ARHGAP44: variants seen among roughly 807,000 people sequenced by gnomAD.
ARHGAP44 encodes Rho GTPase activating protein 44.
Under a neutral mutation model 106.8 loss-of-function variants are expected in ARHGAP44, and 43 were observed. The ratio of observed to expected loss-of-function variants is 0.40; its 90% CI spans 0.32 to 0.52. The LOEUF (loss-of-function observed/expected upper bound fraction) is 0.52, where lower values mean the gene tolerates loss of function less well. Ranked by LOEUF, ARHGAP44 falls within the 20% of genes least tolerant of loss-of-function variation. ARHGAP44 has a pLI of 0.48. For synonymous variants in ARHGAP44, 439 were observed against 410.3 expected, an observed-to-expected ratio of 1.07 and a Z score of -0.85; for missense variants, 866 against 1,050.5, an observed-to-expected ratio of 0.82 and a Z score of 2.43.
rs184640920 is a variant in ARHGAP44, at chr17:12,793,975, C to G, written c.53+4084C>G. Among the ~76,000 whole-genome samples the G allele has an allele frequency of 2.2e-4, 33 of 152,152 alleles. No individual in the cohort carries two copies. In the East Asian group the frequency reaches 5.8e-3, roughly 27 times the overall value. ...TCAAAGATGGGGAAAGCTCCTGATA[C>G]CATGTTTCTTTAACGTTGTGATGGT... On this transcript the variant is annotated intron_variant, in intron 1 of 20. Coordinates refer to ENST00000379672, the MANE Select transcript of ARHGAP44 (RefSeq NM_014859.6).
At chr17:12,876,419 C>G (rs76589096) in intron 1 of ARHGAP44, among the ~76,000 whole-genome samples, 2 of 152,090 alleles carry the variant, frequency 1.3e-5, no homozygotes, top group East Asian at 3.9e-4. Flanking sequence ...ACTTGACAGT[C>G]GTGTTCATCT....
intron 6 of ARHGAP44, among the ~76,000 whole-genome samples, chr17:12,926,020 A>C (rs995884231): frequency 6.6e-6 from 1 of 152,164 alleles, no homozygotes; most frequent in Non-Finnish European, 1.5e-5. Context: ...TTTGTTTGCT[A>C]TTTATGTTCC....
chr17:12,835,991 A>G (rs920424586), intron 1 of ARHGAP44, among the ~76,000 whole-genome samples: 3 of 152,210 alleles, frequency 2.0e-5, no homozygotes, highest in Non-Finnish European at 4.4e-5. Context: ...TTCTTTGTAA[A>G]GGCGGAATAG....
chr17:12,842,843 A>G (rs1220002511), intron 1 of ARHGAP44, among the ~76,000 whole-genome samples: 1 of 152,222 alleles, frequency 6.6e-6, no homozygotes, highest in Admixed American at 6.5e-5. Flanking sequence ...GTACAGAGTC[A>G]GGTGGTATGT....
At chr17:12,983,320 A>G (rs2039879041) in intron 19 of ARHGAP44, among the ~76,000 whole-genome samples, 1 of 150,832 alleles carries the variant, frequency 6.6e-6, no homozygotes, top group Non-Finnish European at 1.5e-5. Context: ...GTCCTCACTT[A>G]AGCCTAACAG....
At position 12,878,482 on chromosome 17, in the gene ARHGAP44, A is replaced by G. The variant is rs563524593; in HGVS notation, c.54-16458A>G. The stretch of plus-strand genomic sequence containing the variant: ...TATGACTTGTACCCAGATGTCATCT[A>G]CACAGCGCCTGTCATCCTGTGGAAT... On this transcript the variant is annotated intron_variant, in intron 1 of 20. Coordinates refer to ENST00000379672, the MANE Select transcript of ARHGAP44 (RefSeq NM_014859.6). Among the ~76,000 whole-genome samples the G allele has an allele frequency of 8.5e-4, 130 of 152,358 alleles. 1 individual carries two copies. The highest frequency in any genetic ancestry group is 1.2e-3 in the South Asian group (6 of 4,828).
intron 1 of ARHGAP44, among the ~76,000 whole-genome samples, chr17:12,832,371 C>T (rs943718211): frequency 8.5e-5 from 13 of 152,116 alleles, no homozygotes; most frequent in Admixed American, 8.5e-4. Context: ...GCCAGCTGAT[C>T]CACTGAGTGC....
In ARHGAP44 at chr17:12,848,088, G is replaced by T. The variant is rs190255517; in HGVS notation, c.54-46852G>T. On this transcript the variant is annotated intron_variant, in intron 1 of 20. Coordinates refer to ENST00000379672, the MANE Select transcript of ARHGAP44 (RefSeq NM_014859.6). ...CTATAGATATAGATAGCATTGAGGT[G>T]CTCAAACAACTGGACAAGTGTTACT... Among the ~76,000 whole-genome samples the T allele has an allele frequency of 2.9e-3, 443 of 152,264 alleles. 3 individuals carry two copies. Among genetic ancestry groups the T allele is most frequent in the African/African-American group, 0.01 (428 of 41,548 alleles).
chr17:12,795,806 G>A (rs1028967795), intron 1 of ARHGAP44, among the ~76,000 whole-genome samples: 4 of 152,080 alleles, frequency 2.6e-5, no homozygotes, highest in African/African-American at 7.2e-5. Context: ...CGGGCGTGGG[G>A]CATCCAATTG....
At chr17:12,974,378 C>T in intron 18 of ARHGAP44, 68 bp downstream of exon 18, 1 of 1,249,320 alleles carries the variant, frequency 8.0e-7, no homozygotes, top group Non-Finnish European at 1.0e-6. Flanking sequence ...GTTGGCCGCA[C>T]TGGAGGCCTC....
In ARHGAP44 at chr17:12,955,900, A is replaced by G. The variant is rs755127771; in HGVS notation, c.1170A>G (p.Glu390=). ...TAAAATTTTTATCCAAGCTGTCAGA[A>G]TATCAAGATGTAAACAAGATGACTC... The part of the protein sequence containing the change: ...YLIKFLSKLS[E]YQDVNKMTPS... Residue 390 remains glutamate, a synonymous_variant, in exon 14 of 21, where the codon GAA becomes GAG. Transcript: ENST00000379672. 1.9e-6 allele frequency: 3 copies of G among 1,613,542 alleles called. No individual in the cohort carries two copies. Among genetic ancestry groups the G allele is most frequent in the East Asian group, 4.5e-5 (2 of 44,828 alleles).
chr17:12,865,115 T>G (rs2036197706), intron 1 of ARHGAP44, among the ~76,000 whole-genome samples: 1 of 152,212 alleles, frequency 6.6e-6, no homozygotes, highest in Non-Finnish European at 1.5e-5. Flanking sequence ...TCAAACTACA[T>G]GTATAGACAT....
rs183056576 is a variant in ARHGAP44, at chr17:12,880,819, A to G, written c.54-14121A>G. Among the ~76,000 whole-genome samples, 725 of 152,248 alleles carry G rather than the reference A, an allele frequency of 4.8e-3. 5 individuals are homozygous for G. Among genetic ancestry groups the G allele is most frequent in the African/African-American group, 0.017 (696 of 41,556 alleles). ...AGTTTCATTGTCAGATATACAAAAT[A>G]ATGACATTGTTTTCTACAATGCTTT... On this transcript the variant is annotated intron_variant, in intron 1 of 20. Transcript: ENST00000379672.
intron 19 of ARHGAP44, chr17:12,982,627 G>C (rs2039860710): frequency 1.3e-5 from 2 of 152,104 alleles, no homozygotes. Flanking sequence ...AAAGTTAAGT[G>C]GTTTTATTAT....
At chr17:12,919,326 A>T (rs894103748) in intron 5 of ARHGAP44, among the ~76,000 whole-genome samples, 9 of 152,024 alleles carry the variant, frequency 5.9e-5, no homozygotes, top group African/African-American at 1.9e-4. Context: ...GAAAATAAGG[A>T]TTGCGAGACC....
intron 13 of ARHGAP44, among the ~76,000 whole-genome samples, chr17:12,952,938 G>A (rs1459208733): frequency 6.6e-6 from 1 of 151,904 alleles, no homozygotes; most frequent in East Asian, 1.9e-4. Context: ...ACCCTGTGAG[G>A]GAAGGCAGGA....
chr17:12,846,110 A>AG (rs999617486), intron 1 of ARHGAP44, among the ~76,000 whole-genome samples: 2 of 151,962 alleles, frequency 1.3e-5, no homozygotes, highest in African/African-American at 4.8e-5. Flanking sequence ...AAAAAAAAAA[A>AG]TACAGCTGGC....
chr17:12,888,202 A>C (rs1214684966), intron 1 of ARHGAP44, among the ~76,000 whole-genome samples: 1 of 151,898 alleles, frequency 6.6e-6, no homozygotes, highest in Non-Finnish European at 1.5e-5. Context: ...AGGATCTTTT[A>C]TTGACTTGGA....
At chr17:12,849,047 T>TAAA (rs1341948600) in intron 1 of ARHGAP44, among the ~76,000 whole-genome samples, 1 of 116,694 alleles carries the variant, frequency 8.6e-6, no homozygotes, top group African/African-American at 4.3e-5. Context: ...AAACTCCATC[T>TAAA]CAAAAAAAAA....
Sources: allele counts gnomAD v4.1 joint callset (sites outside exome capture counted in the v4.1 genomes callset), GRCh38; gene constraint gnomAD v4.1.1; transcripts MANE v1.5; gene names NCBI Gene and HGNC (gene_info 2026-07-23, HGNC 2026-07-21).